LRRD1: variants seen among roughly 807,000 people sequenced by gnomAD.
LRRD1 encodes the protein leucine rich repeats and death domain containing 1.
A neutral mutation model predicts 69.5 loss-of-function variants in LRRD1; 49 were observed. The observed-to-expected ratio is 0.70, with a 90% CI of 0.56 to 0.89. LRRD1 has a LOEUF of 0.89. Ranked by LOEUF, LRRD1 falls within the 40% of genes least tolerant of loss-of-function variation. The probability of loss-of-function intolerance (pLI) is 0.00; values close to 1 mark genes in which losing one functional copy is unlikely to be tolerated. For synonymous variants in LRRD1, 303 were observed against 338.9 expected (o/e 0.89, Z 1.16); for missense variants, 853 against 956.0 (o/e 0.89, Z 1.42).
At chr7:92,145,432 C>A (rs575573129) in intron 5 of LRRD1, among the ~76,000 whole-genome samples, 2 of 147,562 alleles carry the variant, frequency 1.4e-5, no homozygotes, top group Non-Finnish European at 3.0e-5. Context: ...TGCTACTATA[C>A]TATATGCTTT....
chr7:92,149,849 A>G (rs1820421832), intron 4 of LRRD1: 1 of 448,974 alleles, frequency 2.2e-6, no homozygotes, highest in Non-Finnish European at 4.5e-6. Flanking sequence ...CACCACACGC[A>G]ACTCCAAATG....
In LRRD1 at chr7:92,150,639, T is replaced by C. The variant is rs143482695; in HGVS notation, c.2173A>G (p.Ile725Val). Residue 725 changes from isoleucine (I) to valine (V), a missense_variant, in exon 4 of 6, where the codon ATA (isoleucine) becomes GTA (valine). Physicochemically the swap from Ile to Val is conservative, Grantham distance 29 (BLOSUM62 3). Transcript: ENST00000458448. ...AGCAAAGGGTTGTCATCAAAATTTA[T>C]CTCCTTCAGTGAAAAAATATTGTAG... is the stretch of plus-strand genomic sequence containing the variant. ...AIYNIFSLKE[I>V]NFDDNPLLRP... 303 of 1,550,876 alleles carry C rather than the reference T, an allele frequency of 2.0e-4. 4 individuals carry two copies. In the East Asian group the frequency reaches 7.1e-3, roughly 36 times the overall value.
intron 1 of LRRD1, among the ~76,000 whole-genome samples, chr7:92,173,580 T>C (rs1789102705): frequency 6.6e-6 from 1 of 152,154 alleles, no homozygotes; most frequent in Non-Finnish European, 1.5e-5. Context: ...TATTAAAAAA[T>C]GCTCACCATC....
In LRRD1 at chr7:92,164,904, A is replaced by G. The variant is rs746730132; in HGVS notation, c.299T>C (p.Leu100Ser). 1 of 1,551,594 alleles carries G rather than the reference A, an allele frequency of 6.4e-7. No individual in the cohort carries two copies. Among genetic ancestry groups the G allele is most frequent in the Non-Finnish European group, 8.7e-7 (1 of 1,146,932 alleles). ...TSTRTGTSQS[L>S]SSLTGRTAEY... Reference sequence around the variant, plus strand: ...TGCAGTCCTCCCAGTTAGTGATGATAAACTCTGTGAAGTTCCTGTTCTAGT... The same window carrying G: ...TGCAGTCCTCCCAGTTAGTGATGATGAACTCTGTGAAGTTCCTGTTCTAGT... Residue 100 changes from leucine to serine, a missense_variant, in exon 2 of 6, where the codon TTA (leucine) becomes TCA (serine). Leu to Ser is a moderately radical substitution (Grantham distance 145). Around this residue, in one of 3 missense-constraint regions of LRRD1, gnomAD observed 99 missense variants for 107.0 expected, o/e 0.92. Transcript: ENST00000458448.
intron 3 of LRRD1, among the ~76,000 whole-genome samples, chr7:92,152,316 G>A (rs1472839261): frequency 1.3e-5 from 2 of 151,874 alleles, no homozygotes; most frequent in Non-Finnish European, 2.9e-5. Flanking sequence ...AGTGTTGTGT[G>A]TATCAATAGT....
At chr7:92,142,626 T>C (rs1016209448), downstream of LRRD1, 1 of 424,970 alleles carries the variant, frequency 2.4e-6, no homozygotes, top group Non-Finnish European at 4.7e-6. Flanking sequence ...GCTCTTAAGA[T>C]GGCGCCTCTG....
At chr7:92,173,733 T>C (rs760768060) in intron 1 of LRRD1, among the ~76,000 whole-genome samples, 2 of 152,098 alleles carry the variant, frequency 1.3e-5, no homozygotes, top group Non-Finnish European at 2.9e-5. Flanking sequence ...TTGATGGAAA[T>C]GTAAATTAGT....
chr7:92,162,677 T>C (rs1321316820), intron 2 of LRRD1, among the ~76,000 whole-genome samples: 2 of 152,154 alleles, frequency 1.3e-5, no homozygotes, highest in African/African-American at 4.8e-5. Context: ...CACAGCATTA[T>C]TATGAAGAAA....
chr7:92,165,366 A>G (rs1332890591), intron 1 of LRRD1, 90 bp from the exon 2 acceptor site: 11 of 379,212 alleles, frequency 2.9e-5, no homozygotes, highest in Non-Finnish European at 5.1e-5. Flanking sequence ...ATAAGAAATA[A>G]TTTAATACAA....
At chr7:92,176,020 G>C (rs1789188915) in intron 1 of LRRD1, among the ~76,000 whole-genome samples, 1 of 152,164 alleles carries the variant, frequency 6.6e-6, no homozygotes, top group African/African-American at 2.4e-5. Context: ...ATATCTGGTA[G>C]AGAAAGTCCT....
At chr7:92,142,395 C>A (rs1422154278), downstream of LRRD1, 2 of 450,146 alleles carry the variant, frequency 4.4e-6, no homozygotes, top group East Asian at 7.0e-5. Context: ...TCTCTCTTGG[C>A]ATCCAGCTCT....
chr7:92,176,132 G>C (rs1440038539), intron 1 of LRRD1, among the ~76,000 whole-genome samples: 1 of 152,180 alleles, frequency 6.6e-6, no homozygotes, highest in Non-Finnish European at 1.5e-5. Context: ...AAAGTATCTT[G>C]CTTGGATTTC....
At position 92,164,710 on chromosome 7, in the gene LRRD1, AT is replaced by A; in HGVS notation, c.492del (p.Lys164AsnfsTer3). ...TTGTCTAAATATAGATATTTTACAT[AT>A]TTGATTTTTAAAATGTCCTTAGGAA... ...QEFPKDILKIKYVKYLYLDKN... is the reference protein window; with the variant it reads ...QEFPKDILKIXYVKYLYLDKN... On this transcript the variant is annotated frameshift_variant, in exon 2 of 6. Coordinates refer to ENST00000458448, the MANE Select transcript of LRRD1 (RefSeq NM_001161528.2). LOFTEE classifies it high-confidence loss of function. The A allele has an allele frequency of 6.4e-7, 1 of 1,550,570 alleles. No homozygotes were observed. The highest frequency in any genetic ancestry group is 2.4e-5 in the East Asian group (1 of 40,872).
chr7:92,142,544 G>A (rs976325951), downstream of LRRD1: 24 of 456,448 alleles, frequency 5.3e-5, no homozygotes, highest in Admixed American at 5.6e-4. Flanking sequence ...AAGTCAAATT[G>A]TGTCCGGAAT....
intron 1 of LRRD1, among the ~76,000 whole-genome samples, chr7:92,174,509 A>ATATATATTTATTT (rs1563195877): frequency 7.8e-5 from 1 of 12,874 alleles, no homozygotes; most frequent in Non-Finnish European, 1.6e-4. Context: ...ATATATATAT[A>ATATATATTTATTT]TTTTTTTTTT....
rs887679886 is a variant in LRRD1, at chr7:92,163,589, C to T, written c.1614G>A (p.Leu538=). The change falls in exon 2 of 6, where the codon CTG becomes CTA. Residue 538 remains leucine (L), a synonymous_variant. Transcript: ENST00000458448. Reference sequence around the variant, plus strand: ...TCTTTATTTGGTTTTTACCAAGATCCAGGTATTTAAGATTAATAAGAGAAC... The same window carrying T: ...TCTTTATTTGGTTTTTACCAAGATCTAGGTATTTAAGATTAATAAGAGAAC... ...HFCSLINLKY[L]DLGKNQIKKI... 6.5e-7 allele frequency: 1 copy of T among 1,530,004 alleles called. No individual in the cohort carries two copies. 94.8% of individuals were successfully genotyped at this position (1,530,004 alleles called of 1,614,324 possible). A position where few individuals can be genotyped will look rare whatever the true frequency, so the allele number is the denominator to read the frequency against.
chr7:92,142,867 G>A (rs11971798), downstream of LRRD1: 143,991 of 373,612 alleles, frequency 0.39, 28,525 homozygotes, highest in African/African-American at 0.46. Context: ...AGGCAGTGTG[G>A]ACCCAAAGAG....
Position 92,165,013 on chromosome 7 carries a change from T to C in LRRD1, c.190A>G (p.Thr64Ala), listed in dbSNP as rs556258796. 6.5e-5 allele frequency: 101 copies of C among 1,551,370 alleles called. No individual in the cohort carries two copies. In the South Asian group the frequency reaches 1.0e-3, roughly 16 times the overall value. ...CCAGAGGAAGATGTTGACTCTAATG[T>C]ATTCTGTCTAGGATGTGTTTCATAA... Reference protein sequence around the residue: ...QIYETHPRQNTLESTSSSGRK... With the variant: ...QIYETHPRQNALESTSSSGRK... Residue 64 changes from threonine to alanine, a missense_variant, in exon 2 of 6, where the codon ACA (threonine) becomes GCA (alanine). Physicochemically the swap from Thr to Ala is moderately conservative, Grantham distance 58 (BLOSUM62 0). Around this residue, in one of 3 missense-constraint regions of LRRD1, gnomAD observed 99 missense variants for 107.0 expected, o/e 0.92. Coordinates refer to ENST00000458448, the MANE Select transcript of LRRD1 (RefSeq NM_001161528.2).
chr7:92,150,650 G>T lies in LRRD1; in HGVS notation c.2162C>A (p.Ser721Ter). ...GTCATCAAAATTTATCTCCTTCAGT[G>T]AAAAAATATTGTAGATAGCACTAGG... ...ALPSAIYNIF[S>*]LKEINFDDNP... Residue 721 changes from serine (S) to a stop codon, truncating the protein, a stop_gained, in exon 4 of 6, where the codon TCA becomes TAA. Transcript: ENST00000458448. LOFTEE classifies it high-confidence loss of function. 6.5e-7 allele frequency: 1 copy of T among 1,549,732 alleles called. No individual in the cohort carries two copies. Among genetic ancestry groups the T allele is most frequent in the Non-Finnish European group, 8.7e-7 (1 of 1,145,434 alleles).
Sources: gnomAD v4.1 joint callset for allele counts (sites outside exome capture counted in the v4.1 genomes callset) on GRCh38, gnomAD v4.1.1 for gene constraint, gnomAD v4.1.1 regional missense constraint, MANE v1.5 for transcripts, NCBI Gene and HGNC (gene_info 2026-07-23, HGNC 2026-07-21) for gene names.